Variants in CNTN6 observed in about 807,000 individuals in gnomAD.
The protein encoded by CNTN6 is contactin-6.
CNTN6 carries 137 observed loss-of-function variants against 122.8 expected under a neutral mutation model. The observed-to-expected ratio is 1.12, with a 90% CI of 0.97 to 1.29. CNTN6 has a LOEUF of 1.29. Ranked by LOEUF, CNTN6 falls within the 50% of genes most tolerant of loss-of-function variation. The pLI, the probability that CNTN6 is intolerant of heterozygous loss-of-function variation, is 0.00. For missense variants in CNTN6, 1,634 were observed against 1,223.4 expected (o/e 1.34, Z -5.01); for synonymous variants, 570 against 426.0 (o/e 1.34, Z -4.16).
rs1340325406 is a variant in CNTN6 at position 1,372,190 on chromosome 3, G to A, written c.1493-109G>A. 5.5e-6 allele frequency: 4 copies of A among 729,462 alleles called. No individual in the cohort carries two copies. In the East Asian group the frequency reaches 8.8e-5, roughly 16 times the overall value. 45.2% of individuals were successfully genotyped at this position (729,462 alleles called of 1,614,324 possible). A position where few individuals can be genotyped will look rare whatever the true frequency, so the allele number is the denominator to read the frequency against. ...CATACTGGACATTGTAGAACTCCAG[G>A]TTGCATTTATATAATTTCAAATGAA... On this transcript the variant is annotated intron_variant, in intron 12 of 22. Coordinates refer to ENST00000446702, the MANE Select transcript of CNTN6 (RefSeq NM_001289080.2).
At chr3:1,205,012 G>A (rs1050014328) in intron 2 of CNTN6, among the ~76,000 whole-genome samples, 5 of 152,138 alleles carry the variant, frequency 3.3e-5, no homozygotes, top group Non-Finnish European at 5.9e-5. Flanking sequence ...GATTAGCTGG[G>A]GAGGCCTTTG....
At chr3:1,398,214 C>T (rs920413813) in intron 20 of CNTN6, among the ~76,000 whole-genome samples, 1 of 152,068 alleles carries the variant, frequency 6.6e-6, no homozygotes, top group African/African-American at 2.4e-5. Context: ...ATTTGCAATC[C>T]AGTTTAATCA....
chr3:1,275,838 G>A (rs1376662066), intron 4 of CNTN6, among the ~76,000 whole-genome samples: 1 of 152,142 alleles, frequency 6.6e-6, no homozygotes, highest in Non-Finnish European at 1.5e-5. Flanking sequence ...GTGATTGACA[G>A]GGAGTGGCTG....
chr3:1,104,703 A>G (rs753272814), intron 1 of CNTN6, among the ~76,000 whole-genome samples: 11 of 152,092 alleles, frequency 7.2e-5, no homozygotes, highest in African/African-American at 1.9e-4. Context: ...TTGTTATTCT[A>G]TTACTCTGCA....
intron 5 of CNTN6, among the ~76,000 whole-genome samples, chr3:1,282,773 C>G (rs1230510590): frequency 3.3e-5 from 5 of 152,302 alleles, no homozygotes; most frequent in Non-Finnish European, 2.9e-5. Flanking sequence ...CCAACAATCT[C>G]CAACAATTCC....
intron 1 of CNTN6, among the ~76,000 whole-genome samples, chr3:1,141,324 C>G (rs1287669636): frequency 6.6e-6 from 1 of 152,138 alleles, no homozygotes; most frequent in East Asian, 1.9e-4. Flanking sequence ...GGATCTTGAT[C>G]TTCACTATGA....
At chr3:1,323,256 TAA>T (rs753445277) in intron 8 of CNTN6, among the ~76,000 whole-genome samples, 26 of 151,836 alleles carry the variant, frequency 1.7e-4, no homozygotes, top group South Asian at 6.2e-4. Context: ...AAAAATATCT[TAA>T]GTTAATTGTG....
In CNTN6 at chr3:1,278,589, G is replaced by A. The variant is rs549287939; in HGVS notation, c.454+81G>A. On this transcript the variant is annotated intron_variant, in intron 5 of 22. Coordinates refer to ENST00000446702, the MANE Select transcript of CNTN6 (RefSeq NM_001289080.2). ...GAGCACATCAGGTCTTAGGCTCAGT[G>A]ATCACCTTTTATCAAATCAAAGAAA... 26 of 815,876 alleles carry A rather than the reference G, an allele frequency of 3.2e-5. No individual in the cohort carries two copies. The South Asian group carries it at 4.5e-4, about 14-fold the overall frequency. 50.5% of individuals were successfully genotyped at this position (815,876 alleles called of 1,614,324 possible). A position where few individuals can be genotyped will look rare whatever the true frequency, so the allele number is the denominator to read the frequency against.
chr3:1,399,870 G>C (rs955989431), intron 20 of CNTN6, among the ~76,000 whole-genome samples: 1 of 152,126 alleles, frequency 6.6e-6, no homozygotes, highest in Non-Finnish European at 1.5e-5. Flanking sequence ...AAACCAATGT[G>C]ATAAACCTAT....
At chr3:1,298,214 A>G (rs987444063) in intron 7 of CNTN6, 3 of 458,014 alleles carry the variant, frequency 6.6e-6, no homozygotes, top group Non-Finnish European at 1.2e-5. Flanking sequence ...TCTTCCCTAC[A>G]GGTGCTGATA....
At chr3:1,301,243 G>A (rs764838279) in intron 7 of CNTN6, among the ~76,000 whole-genome samples, 8 of 151,822 alleles carry the variant, frequency 5.3e-5, no homozygotes, top group Non-Finnish European at 8.8e-5. Flanking sequence ...CACTGTGTTG[G>A]CCAGGCTTGT....
intron 2 of CNTN6, among the ~76,000 whole-genome samples, chr3:1,189,325 T>G (rs2093669595): frequency 6.6e-6 from 1 of 152,174 alleles, no homozygotes. Context: ...TTTCAGTTCA[T>G]TCTGGAAAGG....
intron 1 of CNTN6, among the ~76,000 whole-genome samples, chr3:1,096,253 T>TTGTGTG (rs763508099): frequency 1.3e-5 from 2 of 150,908 alleles, no homozygotes; most frequent in African/African-American, 4.8e-5. Context: ...GATTCTTTTG[T>TTGTGTG]TGTGTGTGTG....
At chr3:1,244,125 G>C (rs962879632) in intron 4 of CNTN6, among the ~76,000 whole-genome samples, 1 of 152,126 alleles carries the variant, frequency 6.6e-6, no homozygotes, top group Non-Finnish European at 1.5e-5. Context: ...TTTGTACTGG[G>C]GCCAAGCGGT....
intron 1 of CNTN6, among the ~76,000 whole-genome samples, chr3:1,134,327 A>T (rs1475069699): frequency 6.6e-6 from 1 of 152,108 alleles, no homozygotes; most frequent in Non-Finnish European, 1.5e-5. Flanking sequence ...CTGGTGATAG[A>T]TAGTAGGGCT....
chr3:1,133,930 C>T (rs1277473631), intron 1 of CNTN6, among the ~76,000 whole-genome samples: 1 of 152,160 alleles, frequency 6.6e-6, no homozygotes, highest in African/African-American at 2.4e-5. Context: ...TCACTACAGC[C>T]CTTCCCTTCC....
rs373263784 is a variant in CNTN6 at position 1,220,801 on chromosome 3, C to T, written c.170C>T (p.Ser57Leu). The T allele has an allele frequency of 1.9e-5, 31 of 1,605,214 alleles. No individual in the cohort carries two copies. The highest frequency in any genetic ancestry group is 1.9e-4 in the Admixed American group (11 of 58,192). ...ILNCAANGYP[S>L]PHYRWKQNGT... Reference sequence around the variant, plus strand: ...AATTGTGCTGCTAATGGTTACCCTTCGCCTCATTATAGGTAAAATCCTACC... The same window carrying T: ...AATTGTGCTGCTAATGGTTACCCTTTGCCTCATTATAGGTAAAATCCTACC... Residue 57 changes from serine (S) to leucine (L), a missense_variant, in exon 3 of 23, where the codon TCG becomes TTG. Ser to Leu is a moderately radical substitution (Grantham distance 145). Transcript: ENST00000446702.
chr3:1,148,179 T>G, intron 2 of CNTN6, 116 bp downstream of exon 2: 1 of 760,480 alleles, frequency 1.3e-6, no homozygotes, highest in South Asian at 1.8e-5. Flanking sequence ...AATGACTAAG[T>G]GATAATGTTT....
intron 1 of CNTN6, among the ~76,000 whole-genome samples, chr3:1,129,550 G>T (rs77305089): frequency 6.6e-6 from 1 of 152,030 alleles, no homozygotes; most frequent in East Asian, 1.9e-4. Flanking sequence ...GCATTTTTTC[G>T]TAAAATGTGA....
Sources: allele counts gnomAD v4.1 joint callset (sites outside exome capture counted in the v4.1 genomes callset), GRCh38; gene constraint gnomAD v4.1.1; transcripts MANE v1.5; gene names NCBI Gene and HGNC (gene_info 2026-07-23, HGNC 2026-07-21).